Variants in PCDH11X observed in about 807,000 individuals in gnomAD.
The protein encoded by PCDH11X is protocadherin-11 X-linked.
In PCDH11X, 18 loss-of-function variants were observed where a neutral mutation model predicts 53.3. That is an observed-to-expected ratio of 0.34 (90% CI 0.23 to 0.50). The LOEUF is 0.50. Ranked by LOEUF, PCDH11X falls within the 20% of genes least tolerant of loss-of-function variation. The pLI, the probability that PCDH11X is intolerant of heterozygous loss-of-function variation, is 0.98. For missense variants in PCDH11X, 570 were observed against 1,032.4 expected (o/e 0.55, Z 6.14); for synonymous variants, 279 against 393.3 (o/e 0.71, Z 3.44).
In PCDH11X at chrX:92,080,628, G is replaced by A. The variant is rs1233157840; in HGVS notation, c.3034-120747G>A. ...AAAATTTTGCCCCTACCTTCTTAGGGATTTTTGGCTTCGGGACTGAAAATT... is the reference window on the plus strand; with the variant it reads ...AAAATTTTGCCCCTACCTTCTTAGGAATTTTTGGCTTCGGGACTGAAAATT... On this transcript the variant is annotated intron_variant, in intron 6 of 10. Transcript: ENST00000682573. 2.8e-5 allele frequency among the ~76,000 whole-genome samples: 3 copies of A among 108,266 alleles called. No individual in the cohort carries two copies. In the East Asian group the frequency reaches 9.0e-4, roughly 32 times the overall value. The allele number at this position is 108,266 out of a possible 115,157, so 94.0% of individuals were successfully genotyped here.
chrX:91,972,663 A>G (rs1285523899), intron 6 of PCDH11X, among the ~76,000 whole-genome samples: 25 of 105,430 alleles, frequency 2.4e-4, no homozygotes, highest in African/African-American at 8.7e-4. Context: ...AGCTTTCTAC[A>G]TATGGCTAGC....
At chrX:91,946,141 T>G (rs750961375) in intron 6 of PCDH11X, among the ~76,000 whole-genome samples, 1 of 109,584 alleles carries the variant, frequency 9.1e-6, no homozygotes, top group South Asian at 3.9e-4. Context: ...GTTGTACTCC[T>G]CACAGTACCC....
chrX:92,334,146 C>A (rs1444328684), intron 8 of PCDH11X, among the ~76,000 whole-genome samples: 1 of 111,643 alleles, frequency 9.0e-6, no homozygotes, highest in African/African-American at 3.3e-5. Flanking sequence ...GCCATGAATG[C>A]ATAAAATAAA....
intron 6 of PCDH11X, chrX:92,114,371 C>A (rs887794341): frequency 8.9e-7 from 1 of 1,124,889 alleles, no homozygotes; most frequent in Non-Finnish European, 1.2e-6. Flanking sequence ...AAGCTGTCAA[C>A]AATCTCATTC....
At chrX:92,524,786 C>A (rs2074422274) in intron 10 of PCDH11X, among the ~76,000 whole-genome samples, 1 of 111,425 alleles carries the variant, frequency 9.0e-6, no homozygotes, top group African/African-American at 3.3e-5. Flanking sequence ...AACTTAATAG[C>A]AGCATAGAAA....
At chrX:92,097,277 T>C (rs2064156049) in intron 6 of PCDH11X, among the ~76,000 whole-genome samples, 1 of 108,617 alleles carries the variant, frequency 9.2e-6, no homozygotes, top group Admixed American at 9.9e-5. Context: ...ACTGGCCAGG[T>C]GGTGTGCACT....
chrX:91,851,087 A>G (rs1370314235), intron 5 of PCDH11X, among the ~76,000 whole-genome samples: 1 of 109,574 alleles, frequency 9.1e-6, no homozygotes, highest in Non-Finnish European at 1.9e-5. Context: ...TTTCTGCACT[A>G]TAGATTGAAT....
At chrX:91,981,020 G>T (rs1475107041) in intron 6 of PCDH11X, among the ~76,000 whole-genome samples, 2 of 91,371 alleles carry the variant, frequency 2.2e-5, no homozygotes, top group Non-Finnish European at 4.3e-5. Flanking sequence ...TATATACACT[G>T]AATATATATA....
At chrX:92,336,061 A>G (rs2069611121) in intron 8 of PCDH11X, among the ~76,000 whole-genome samples, 1 of 111,635 alleles carries the variant, frequency 9.0e-6, no homozygotes, top group Admixed American at 9.6e-5. Flanking sequence ...TATCTTAGTG[A>G]TTTTGTTTGT....
At chrX:92,482,190 C>T (rs2750805) in intron 10 of PCDH11X, among the ~76,000 whole-genome samples, 1 of 111,468 alleles carries the variant, frequency 9.0e-6, no homozygotes, top group Admixed American at 9.6e-5. Flanking sequence ...TCAATAGCAA[C>T]TATCACAAAT....
intron 10 of PCDH11X, among the ~76,000 whole-genome samples, chrX:92,567,443 G>T (rs1301358388): frequency 1.0e-5 from 1 of 97,288 alleles, no homozygotes; most frequent in Non-Finnish European, 2.1e-5. Context: ...TGTTGTTGGT[G>T]TATTGGAATG....
At chrX:92,030,252 C>T (rs1368098012) in intron 6 of PCDH11X, among the ~76,000 whole-genome samples, 30 of 111,681 alleles carry the variant, frequency 2.7e-4, no homozygotes, top group Non-Finnish European at 5.1e-4. Flanking sequence ...TGAGCCATCG[C>T]GCCTGGCCAA....
At chrX:92,197,155 A>G (rs2066305907) in intron 6 of PCDH11X, among the ~76,000 whole-genome samples, 1 of 111,482 alleles carries the variant, frequency 9.0e-6, no homozygotes, top group Non-Finnish European at 1.9e-5. Context: ...CTGTTGCACC[A>G]TATTGTTGAG....
At chrX:92,029,283 C>T (rs1320134924) in intron 6 of PCDH11X, among the ~76,000 whole-genome samples, 3 of 110,883 alleles carry the variant, frequency 2.7e-5, no homozygotes, top group Admixed American at 9.7e-5. Flanking sequence ...CACCACCTCC[C>T]GTGGGTAATG....
At chrX:92,502,503 T>C (rs988037095) in intron 10 of PCDH11X, among the ~76,000 whole-genome samples, 3 of 109,768 alleles carry the variant, frequency 2.7e-5, no homozygotes, top group Non-Finnish European at 5.7e-5. Context: ...CAAAACATCA[T>C]GGTACAAGAA....
intron 6 of PCDH11X, among the ~76,000 whole-genome samples, chrX:92,199,093 G>A (rs2066346147): frequency 9.0e-6 from 1 of 111,696 alleles, no homozygotes; most frequent in African/African-American, 3.2e-5. Flanking sequence ...ATTTGTACTT[G>A]AAGGCGTTAA....
At chrX:91,817,120 A>C (rs917832807) in intron 4 of PCDH11X, among the ~76,000 whole-genome samples, 11 of 111,248 alleles carry the variant, frequency 9.9e-5, no homozygotes, top group African/African-American at 3.6e-4. Flanking sequence ...GATACAGTAC[A>C]TTTATTTATA....
chrX:91,942,220 C>A, intron 6 of PCDH11X, among the ~76,000 whole-genome samples: 1 of 109,551 alleles, frequency 9.1e-6, no homozygotes, highest in Admixed American at 9.8e-5. Context: ...AAAGCCAAAA[C>A]CAGTGAAATT....
At chrX:92,518,747 AAT>A (rs1491203731) in intron 10 of PCDH11X, among the ~76,000 whole-genome samples, 25 of 93,242 alleles carry the variant, frequency 2.7e-4, no homozygotes, top group African/African-American at 8.6e-4. Flanking sequence ...TTACCAATAA[AAT>A]TTTTTTTTTT....
Sources: allele counts gnomAD v4.1 joint callset (sites outside exome capture counted in the v4.1 genomes callset), GRCh38; gene constraint gnomAD v4.1.1; transcripts MANE v1.5; gene names NCBI Gene and HGNC (gene_info 2026-07-23, HGNC 2026-07-21).